Variants in ARHGAP12 observed in about 807,000 individuals in gnomAD.
ARHGAP12 encodes Rho GTPase activating protein 12, also known as rho GTPase-activating protein 12.
Under a neutral mutation model 108.6 loss-of-function variants are expected in ARHGAP12, and 64 were observed. That is an observed-to-expected ratio of 0.59 (90% CI 0.48 to 0.73). The LOEUF (loss-of-function observed/expected upper bound fraction) is 0.73. Among genes scored for constraint, ARHGAP12 ranks in the 30% least tolerant of loss-of-function variants. The pLI is 0.00. For synonymous variants in ARHGAP12, 312 were observed against 337.2 expected, an observed-to-expected ratio of 0.93 and a Z score of 0.82; for missense variants, 940 against 1,005.9, an observed-to-expected ratio of 0.93 and a Z score of 0.89.
chr10:31,910,267 T>C (rs1202699891), intron 2 of ARHGAP12, among the ~76,000 whole-genome samples: 1 of 152,184 alleles, frequency 6.6e-6, no homozygotes, highest in Non-Finnish European at 1.5e-5. Context: ...TTACCAAAAA[T>C]GTGCAAACCC....
Position 31,880,897 on chromosome 10 carries a change from C to CA in ARHGAP12, c.685-19240dup, listed in dbSNP as rs139344366. 2.9e-3 allele frequency among the ~76,000 whole-genome samples: 392 copies of CA among 133,942 alleles called. 3 individuals carry two copies. Among genetic ancestry groups the CA allele is most frequent in the African/African-American group, 7.3e-3 (264 of 36,226 alleles). 87.9% of individuals were successfully genotyped at this position (133,942 alleles called of 152,430 possible). A position where few individuals can be genotyped will look rare whatever the true frequency, so the allele number is the denominator to read the frequency against. ...CAACGTGGCAAAGCTTTGACTCTAC[C>CA]AAAAAAAAAAAAAAAATTAGCCAGG... is the stretch of plus-strand genomic sequence containing the variant. On this transcript the variant is annotated intron_variant, in intron 3 of 19. Coordinates refer to ENST00000344936, the MANE Select transcript of ARHGAP12 (RefSeq NM_018287.7).
At chr10:31,857,174 T>G (rs1051670321) in intron 4 of ARHGAP12, among the ~76,000 whole-genome samples, 5 of 152,122 alleles carry the variant, frequency 3.3e-5, no homozygotes, top group South Asian at 2.1e-4. Context: ...GAGAAAGAAA[T>G]AAAGCAAACG....
chr10:31,904,684 T>C (rs561404532), intron 3 of ARHGAP12, among the ~76,000 whole-genome samples: 1 of 152,314 alleles, frequency 6.6e-6, no homozygotes, highest in South Asian at 2.1e-4. Context: ...TGGAGTGCAA[T>C]GGTGCAATCT....
intron 11 of ARHGAP12, among the ~76,000 whole-genome samples, chr10:31,825,203 T>C (rs1835559941): frequency 1.3e-5 from 2 of 152,154 alleles, no homozygotes; most frequent in Admixed American, 1.3e-4. Context: ...TGAGGAATAA[T>C]GTGTTCTGTG....
intron 6 of ARHGAP12, among the ~76,000 whole-genome samples, chr10:31,844,011 T>A (rs1158428035): frequency 1.3e-5 from 2 of 152,186 alleles, no homozygotes; most frequent in Admixed American, 1.3e-4. Context: ...TCTACTTCTA[T>A]CTCTTCTACT....
chr10:31,855,148 AG>A (rs1242166031), intron 4 of ARHGAP12, among the ~76,000 whole-genome samples: 3 of 67,864 alleles, frequency 4.4e-5, no homozygotes, highest in East Asian at 9.5e-4. Flanking sequence ...GGGGAAAGGG[AG>A]GGGGAGGAGA....
chr10:31,925,666 A>G (rs1840006125), intron 1 of ARHGAP12, among the ~76,000 whole-genome samples: 1 of 152,216 alleles, frequency 6.6e-6, no homozygotes, highest in Non-Finnish European at 1.5e-5. Context: ...AACAACCGGT[A>G]TGAGGTGGGG....
chr10:31,874,025 C>T (rs1837634179), intron 3 of ARHGAP12, among the ~76,000 whole-genome samples: 1 of 152,180 alleles, frequency 6.6e-6, no homozygotes, highest in African/African-American at 2.4e-5. Context: ...CTAAAGAATA[C>T]TCTGTCACTG....
intron 3 of ARHGAP12, among the ~76,000 whole-genome samples, chr10:31,886,310 C>T (rs1480545722): frequency 6.6e-6 from 1 of 152,162 alleles, no homozygotes; most frequent in Non-Finnish European, 1.5e-5. Context: ...ATGCCAGCTT[C>T]TCAACCATAT....
intron 4 of ARHGAP12, among the ~76,000 whole-genome samples, chr10:31,854,537 G>A (rs1836815215): frequency 6.6e-6 from 1 of 152,044 alleles, no homozygotes; most frequent in Non-Finnish European, 1.5e-5. Context: ...GAGAGGAATA[G>A]GTGTGTGTAC....
At chr10:31,898,063 G>A (rs1327624250) in intron 3 of ARHGAP12, among the ~76,000 whole-genome samples, 1 of 152,144 alleles carries the variant, frequency 6.6e-6, no homozygotes, top group Non-Finnish European at 1.5e-5. Flanking sequence ...GGTCAAGGCT[G>A]CAGTGAGCCA....
rs368683241 is a variant in ARHGAP12, at chr10:31,817,652, G to GT, written c.1731+135dup. The GT allele has an allele frequency of 5.4e-4, 292 of 540,200 alleles. 6 individuals carry two copies. In the South Asian group the frequency reaches 8.0e-3, roughly 15 times the overall value. 33.5% of individuals were successfully genotyped at this position (540,200 alleles called of 1,614,324 possible). A position where few individuals can be genotyped will look rare whatever the true frequency, so the allele number is the denominator to read the frequency against. Reference sequence around the variant, plus strand: ...CTGGGGGGCTGCTAAATTGACCATTGTTTTTTCCATCTCTGTCAAACATAT... The same window carrying GT: ...CTGGGGGGCTGCTAAATTGACCATTGTTTTTTTCCATCTCTGTCAAACATAT... On this transcript the variant is annotated intron_variant, in intron 13 of 19. Transcript: ENST00000344936.
chr10:31,876,033 A>C (rs933954413), intron 3 of ARHGAP12, among the ~76,000 whole-genome samples: 1 of 149,076 alleles, frequency 6.7e-6, no homozygotes, highest in Non-Finnish European at 1.5e-5. Flanking sequence ...TTTATTATTA[A>C]TGTATTCATC....
At chr10:31,850,364 C>A (rs1836626140) in intron 6 of ARHGAP12, among the ~76,000 whole-genome samples, 1 of 152,116 alleles carries the variant, frequency 6.6e-6, no homozygotes, top group Non-Finnish European at 1.5e-5. Flanking sequence ...CTTATTAGAA[C>A]AGCCTAACAG....
chr10:31,827,911 G>A lies in ARHGAP12; in HGVS notation c.1449-1526C>T, dbSNP rs75156523. ...TACCTTTTTTTAAATTACTTTTTATGTCTAGTTGAACTTTATGGATTAAGA... is the reference window on the plus strand; with the variant it reads ...TACCTTTTTTTAAATTACTTTTTATATCTAGTTGAACTTTATGGATTAAGA... On this transcript the variant is annotated intron_variant, in intron 10 of 19. Transcript: ENST00000344936. Among the ~76,000 whole-genome samples the A allele has an allele frequency of 3.5e-3, 528 of 151,764 alleles. 2 individuals carry two copies. The highest frequency in any genetic ancestry group is 0.012 in the African/African-American group (513 of 41,284).
intron 3 of ARHGAP12, among the ~76,000 whole-genome samples, chr10:31,905,200 C>T (rs1322504098): frequency 2.6e-5 from 4 of 152,028 alleles, no homozygotes; most frequent in African/African-American, 9.7e-5. Flanking sequence ...AATTTGGCAA[C>T]TGATTATTAA....
At chr10:31,816,521 A>T (rs920765121) in intron 13 of ARHGAP12, among the ~76,000 whole-genome samples, 4 of 152,122 alleles carry the variant, frequency 2.6e-5, no homozygotes, top group African/African-American at 9.7e-5. Flanking sequence ...CATATTTGTT[A>T]AATGAATGCA....
chr10:31,834,234 C>T (rs772369229), intron 9 of ARHGAP12, among the ~76,000 whole-genome samples: 16 of 152,180 alleles, frequency 1.1e-4, no homozygotes, highest in Non-Finnish European at 2.1e-4. Flanking sequence ...ATTGTACTTA[C>T]TACAGACTAA....
In ARHGAP12 at chr10:31,820,425, C is replaced by A. The variant is rs1411504607; in HGVS notation, c.1594G>T (p.Ala532Ser). ...VDLKGATIEM[A>S]SKDKSSKKNV... ...TTTTTGCTGGATTTATCCTTTGAAG[C>A]CATCTCAATTGTTGCCCCCTTGAGG... Residue 532 changes from alanine to serine, a missense_variant, in exon 12 of 20, where the codon GCT (alanine) becomes TCT (serine). Coordinates refer to ENST00000344936, the MANE Select transcript of ARHGAP12 (RefSeq NM_018287.7). The A allele has an allele frequency of 1.9e-6, 3 of 1,611,992 alleles. No individual in the cohort carries two copies. The highest frequency in any genetic ancestry group is 1.7e-6 in the Non-Finnish European group (2 of 1,179,084).
Sources: allele counts gnomAD v4.1 joint callset (sites outside exome capture counted in the v4.1 genomes callset), GRCh38; gene constraint gnomAD v4.1.1; transcripts MANE v1.5; gene names NCBI Gene and HGNC (gene_info 2026-07-23, HGNC 2026-07-21).